MEIS2: variants seen among roughly 807,000 people sequenced by gnomAD.
The protein encoded by MEIS2 is Meis homeobox 2, also known as homeobox protein Meis2.
A neutral mutation model predicts 58.6 loss-of-function variants in MEIS2; 9 were observed. That is an observed-to-expected ratio of 0.15 (90% confidence interval 0.09 to 0.27). The LOEUF (loss-of-function observed/expected upper bound fraction) is 0.27, where lower values mean the gene tolerates loss of function less well. Among genes scored for constraint, MEIS2 ranks in the 10% least tolerant of loss-of-function variants. MEIS2 has a pLI of 1.00. For synonymous variants in MEIS2, 221 were observed against 228.4 expected (o/e 0.97, Z 0.29); for missense variants, 427 against 635.0 (o/e 0.67, Z 3.52).
At chr15:36,978,297 T>C (rs891228927) in intron 8 of MEIS2, among the ~76,000 whole-genome samples, 3 of 152,220 alleles carry the variant, frequency 2.0e-5, no homozygotes. Context: ...ACATTTTTGC[T>C]AATCCCTAGA....
intron 7 of MEIS2, chr15:37,066,226 C>T (rs1339478445): frequency 6.6e-6 from 1 of 152,104 alleles, no homozygotes; most frequent in African/African-American, 2.4e-5. Flanking sequence ...TATGATGGCT[C>T]AGGCTCCAGT....
In MEIS2 at chr15:36,952,297, C is replaced by G. The variant is rs148438943; in HGVS notation, c.901-1897G>C. ...AAATCCTTTCTATTATGGCATTTTC[C>G]TGCCAAATTCAGGGGAGTTGCACCC... On this transcript the variant is annotated intron_variant, in intron 8 of 11. Transcript: ENST00000561208. Among the ~76,000 whole-genome samples the G allele has an allele frequency of 4.1e-3, 629 of 152,202 alleles. 5 individuals carry two copies. The highest frequency in any genetic ancestry group is 0.015 in the African/African-American group (615 of 41,528).
intron 9 of MEIS2, among the ~76,000 whole-genome samples, chr15:36,913,065 A>T (rs1437903055): frequency 6.6e-6 from 1 of 152,180 alleles, no homozygotes; most frequent in African/African-American, 2.4e-5. Flanking sequence ...ACAAAATAAC[A>T]CAAAGGGTAT....
chr15:36,919,149 C>T (rs2057395290), intron 9 of MEIS2, among the ~76,000 whole-genome samples: 2 of 151,588 alleles, frequency 1.3e-5, no homozygotes, highest in South Asian at 4.2e-4. Flanking sequence ...CCACTGTAGT[C>T]CAGCCAAGGT....
At chr15:37,054,999 C>T (rs1247131010) in intron 7 of MEIS2, among the ~76,000 whole-genome samples, 3 of 152,202 alleles carry the variant, frequency 2.0e-5, no homozygotes, top group Non-Finnish European at 4.4e-5. Context: ...TAATTCTCAT[C>T]ATCCTATGAG....
At chr15:36,904,737 C>CT (rs1342733325) in intron 9 of MEIS2, among the ~76,000 whole-genome samples, 1 of 151,778 alleles carries the variant, frequency 6.6e-6, no homozygotes, top group African/African-American at 2.4e-5. Flanking sequence ...TCCAGAAAGG[C>CT]TTTAGCAAAT....
chr15:37,032,852 C>G (rs887385037), intron 8 of MEIS2, among the ~76,000 whole-genome samples: 6 of 152,152 alleles, frequency 3.9e-5, no homozygotes, highest in Non-Finnish European at 7.4e-5. Flanking sequence ...CCAGATTAAG[C>G]AAATTCAGAA....
At chr15:36,906,059 G>T (rs79732412) in intron 9 of MEIS2, among the ~76,000 whole-genome samples, 7,345 of 152,218 alleles carry the variant, frequency 0.048, 591 homozygotes, top group African/African-American at 0.17. Context: ...CAAGGAAATG[G>T]CATGCTGTAA....
At chr15:37,096,604 G>C in intron 2 of MEIS2, 174 bp from the exon 3 acceptor site, 1 of 711,844 alleles carries the variant, frequency 1.4e-6, no homozygotes, top group Non-Finnish European at 2.1e-6. Flanking sequence ...GAAACAGAAA[G>C]GGAAAAGGGC....
intron 8 of MEIS2, among the ~76,000 whole-genome samples, chr15:36,987,327 G>A (rs1045057581): frequency 1.2e-4 from 18 of 149,020 alleles, no homozygotes; most frequent in Non-Finnish European, 2.1e-4. Flanking sequence ...AGGATCATTT[G>A]AACCTGGTAT....
chr15:36,909,035 C>T lies in MEIS2; in HGVS notation c.978-12349G>A, dbSNP rs536903974. Among the ~76,000 whole-genome samples, 14 of 152,196 alleles carry T rather than the reference C, an allele frequency of 9.2e-5. No homozygotes were observed. In the South Asian group the frequency reaches 2.7e-3, roughly 29 times the overall value. On this transcript the variant is annotated intron_variant, in intron 9 of 11. Coordinates refer to ENST00000561208, the MANE Select transcript of MEIS2 (RefSeq NM_170675.5). ...CCACAGATTCTTTAGAGTCAGGTAACGTACAAATAAACAAAAAGCAATTAA... is the reference window on the plus strand; with the variant it reads ...CCACAGATTCTTTAGAGTCAGGTAATGTACAAATAAACAAAAAGCAATTAA...
chr15:37,054,458 C>A (rs897722779), intron 7 of MEIS2, among the ~76,000 whole-genome samples: 6 of 152,126 alleles, frequency 3.9e-5, no homozygotes, highest in African/African-American at 1.2e-4. Context: ...TCTCTGTTGC[C>A]CAGGCTGGAC....
At chr15:36,938,949 G>A (rs552265488) in intron 9 of MEIS2, among the ~76,000 whole-genome samples, 7 of 152,226 alleles carry the variant, frequency 4.6e-5, no homozygotes, top group South Asian at 2.1e-4. Context: ...TGCTGTCCCC[G>A]CTGCAGCTCT....
chr15:36,993,964 T>C (rs1485617035), intron 8 of MEIS2, among the ~76,000 whole-genome samples: 1 of 152,140 alleles, frequency 6.6e-6, no homozygotes, highest in Non-Finnish European at 1.5e-5. Context: ...AGGTGTGAAG[T>C]TGAGATGATT....
intron 8 of MEIS2, among the ~76,000 whole-genome samples, chr15:37,010,822 C>A (rs771701255): frequency 1.6e-4 from 24 of 152,222 alleles, no homozygotes; most frequent in Non-Finnish European, 1.3e-4. Context: ...CTTCCAAACT[C>A]ACATTCACAT....
At chr15:37,008,789 T>C (rs2061015025) in intron 8 of MEIS2, among the ~76,000 whole-genome samples, 1 of 152,330 alleles carries the variant, frequency 6.6e-6, no homozygotes, top group East Asian at 1.9e-4. Context: ...ATCACATAAG[T>C]GCCAGAACGC....
chr15:37,037,562 A>G, intron 7 of MEIS2, among the ~76,000 whole-genome samples: 1 of 152,200 alleles, frequency 6.6e-6, no homozygotes, highest in East Asian at 1.9e-4. Context: ...ATACACATCA[A>G]GGTAGGGTGC....
intron 8 of MEIS2, among the ~76,000 whole-genome samples, chr15:37,006,071 C>T (rs1022777633): frequency 2.6e-5 from 4 of 152,158 alleles, no homozygotes; most frequent in African/African-American, 9.7e-5. Context: ...ATCTTCTTCC[C>T]TTGTTCTAAG....
chr15:36,940,397 C>T (rs549745194), intron 9 of MEIS2, among the ~76,000 whole-genome samples: 47 of 152,198 alleles, frequency 3.1e-4, no homozygotes, highest in African/African-American at 1.0e-3. Flanking sequence ...GACATGACCT[C>T]CCTTGCCAGC....
Sources: gnomAD v4.1 joint callset for allele counts (sites outside exome capture counted in the v4.1 genomes callset) on GRCh38, gnomAD v4.1.1 for gene constraint, MANE v1.5 for transcripts, NCBI Gene and HGNC (gene_info 2026-07-23, HGNC 2026-07-21) for gene names.